Variants in FAT2 observed in about 807,000 individuals in gnomAD.
FAT2 encodes the protein FAT atypical cadherin 2.
FAT2 carries 150 observed loss-of-function variants against 295.3 expected under a neutral mutation model. The observed-to-expected ratio is 0.51, with a 90% confidence interval of 0.44 to 0.58. The LOEUF (loss-of-function observed/expected upper bound fraction) is 0.58, where lower values mean the gene tolerates loss of function less well. Among genes scored for constraint, FAT2 ranks in the 20% least tolerant of loss-of-function variants. The pLI, the probability that FAT2 is intolerant of heterozygous loss-of-function variation, is 0.00. For synonymous variants in FAT2, 2,026 were observed against 2,150.3 expected (o/e 0.94, Z 1.60); for missense variants, 4,868 against 5,442.7 (o/e 0.89, Z 3.32).
At chr5:151,558,344 G>A (rs906829000) in intron 3 of FAT2, among the ~76,000 whole-genome samples, 7 of 152,134 alleles carry the variant, frequency 4.6e-5, no homozygotes, top group East Asian at 3.8e-4. Context: ...GCCTGGGCAC[G>A]GTGGCTCACA....
Position 151,521,938 on chromosome 5 carries a change from T to C in FAT2, c.10655A>G (p.Lys3552Arg), listed in dbSNP as rs1460886794. Residue 3552 changes from lysine (K) to arginine (R), a missense_variant, in exon 19 of 24, where the codon AAG becomes AGG. Lys to Arg is a conservative substitution (Grantham distance 26). Around this residue, in one of 5 missense-constraint regions of FAT2, gnomAD observed 1,046 missense variants for 1,210.1 expected, o/e 0.86. Coordinates refer to ENST00000261800, the MANE Select transcript of FAT2 (RefSeq NM_001447.3). ...EDEFQGGMVG[K>R]IHATDRDPQD... The stretch of plus-strand genomic sequence containing the variant: ...GGGGTCTCGGTCTGTGGCATGGATC[T>C]TACCCACCATGCCACCCTGGAACTC... 6.2e-7 allele frequency: 1 copy of C among 1,614,158 alleles called. No homozygotes were observed. Among genetic ancestry groups the C allele is most frequent in the East Asian group, 2.2e-5 (1 of 44,884 alleles).
chr5:151,534,545 T>G lies in FAT2; in HGVS notation c.9291A>C (p.Ala3097=). 1 of 1,614,150 alleles carries G rather than the reference T, an allele frequency of 6.2e-7. No individual in the cohort carries two copies. Among genetic ancestry groups the G allele is most frequent in the Non-Finnish European group, 8.5e-7 (1 of 1,180,026 alleles). Residue 3097 remains alanine (A), a synonymous_variant, in exon 13 of 24, where the codon GCA becomes GCC. Transcript: ENST00000261800. ...CATCCTCCACATGGAGGGTGATGTCTGCCTGGCACGATCGGCCACCTCCAT... is the reference window on the plus strand; with the variant it reads ...CATCCTCCACATGGAGGGTGATGTCGGCCTGGCACGATCGGCCACCTCCAT... ...ATDGGGRSCQ[A]DITLHVEDVN...
chr5:151,515,020 C>A (rs1294182178), intron 20 of FAT2, among the ~76,000 whole-genome samples: 2 of 152,136 alleles, frequency 1.3e-5, no homozygotes, highest in Non-Finnish European at 2.9e-5. Flanking sequence ...AGTTTTCCAG[C>A]CAGATATTTT....
In FAT2 at chr5:151,542,650, G is replaced by A. The variant is rs767948043; in HGVS notation, c.8477C>T (p.Thr2826Ile). ...GTAGCTCACCTGGCCATCTCTCCCA[G>A]TGTCCTTGTCAATGGCAGTCACTTG... ...VIQVTAIDKD[T>I]GRDGQVSYRL... The change falls in exon 10 of 24, where the codon ACT becomes ATT. Residue 2826 changes from threonine (T) to isoleucine (I), a missense_variant. This residue lies in a region of FAT2 where 3,297 missense variants were observed against 3,669.4 expected (regional missense o/e 0.90). Coordinates refer to ENST00000261800, the MANE Select transcript of FAT2 (RefSeq NM_001447.3). The A allele has an allele frequency of 8.1e-6, 13 of 1,614,180 alleles. No homozygotes were observed. The highest frequency in any genetic ancestry group is 1.6e-4 in the Middle Eastern group (1 of 6,062).
chr5:151,510,076 T>C lies in FAT2; in HGVS notation c.12004A>G (p.Ile4002Val). The change falls in exon 22 of 24, where the codon ATC becomes GTC. Residue 4002 changes from isoleucine (I) to valine (V), a missense_variant. Ile to Val is a conservative substitution (Grantham distance 29). Transcript: ENST00000261800. The stretch of plus-strand genomic sequence containing the variant: ...CAGGAAGCTCCTTTGGGGGAGAGGA[T>C]GCAAGTTCCACCTTCCAGGCAGGGT... Reference protein sequence around the residue: ...FAPCLEGGTCILSPKGASCNC... With the variant: ...FAPCLEGGTCVLSPKGASCNC... 6.2e-7 allele frequency: 1 copy of C among 1,614,184 alleles called. No individual in the cohort carries two copies. The highest frequency in any genetic ancestry group is 8.5e-7 in the Non-Finnish European group (1 of 1,180,032).
At chr5:151,554,743 G>A (rs1561865094) in intron 4 of FAT2, 70 bp from the exon 5 acceptor site, 3 of 1,152,018 alleles carry the variant, frequency 2.6e-6, no homozygotes, top group Admixed American at 2.0e-5. Flanking sequence ...TTAACAACCT[G>A]GAAATAGTAG....
rs140753257 is a variant in FAT2 at position 151,547,488 on chromosome 5, T to C, written c.4790-1151A>G. Among the ~76,000 whole-genome samples the C allele has an allele frequency of 7.4e-3, 1,133 of 152,348 alleles. 6 individuals carry two copies. The highest frequency in any genetic ancestry group is 0.012 in the Non-Finnish European group (838 of 68,036). ...TTGAGAAAATACTGCACTTTACATGTCTTATTCCCTCTATCACGTGAGAGC... is the reference window on the plus strand; with the variant it reads ...TTGAGAAAATACTGCACTTTACATGCCTTATTCCCTCTATCACGTGAGAGC... On this transcript the variant is annotated intron_variant, in intron 9 of 23. Transcript: ENST00000261800.
intron 12 of FAT2, among the ~76,000 whole-genome samples, chr5:151,534,852 C>T (rs1230292878): frequency 1.3e-5 from 2 of 151,632 alleles, no homozygotes; most frequent in African/African-American, 4.8e-5. Context: ...ATCACATTGC[C>T]AGTTTAAGAT....
intron 9 of FAT2, among the ~76,000 whole-genome samples, chr5:151,547,865 G>A (rs192828491): frequency 6.6e-6 from 1 of 152,026 alleles, no homozygotes; most frequent in Non-Finnish European, 1.5e-5. Flanking sequence ...CATTCTTTTG[G>A]GGTGATGAAA....
chr5:151,532,443 G>A (rs1185686590), intron 13 of FAT2, among the ~76,000 whole-genome samples: 2 of 151,890 alleles, frequency 1.3e-5, no homozygotes, highest in African/African-American at 4.8e-5. Context: ...ACAGAAACTG[G>A]TGAAATCTGA....
chr5:151,512,631 T>G lies in FAT2; in HGVS notation c.11464-25A>C, dbSNP rs771727323. ...GCTGCAAAGGAAATCCAAACAGCCA[T>G]CAGCAAAGCCAAGGAGTCCTTGTAA... On this transcript the variant is annotated intron_variant, in intron 20 of 23. Coordinates refer to ENST00000261800, the MANE Select transcript of FAT2 (RefSeq NM_001447.3). The surrounding 1 kb of genome is among the most constrained non-coding windows in gnomAD (Gnocchi z 4.1). The G allele has an allele frequency of 1.3e-6, 2 of 1,563,674 alleles. No individual in the cohort carries two copies. Among genetic ancestry groups the G allele is most frequent in the Non-Finnish European group, 1.7e-6 (2 of 1,152,068 alleles).
Position 151,568,243 on chromosome 5 carries a change from A to G in FAT2, c.689T>C (p.Ile230Thr). The change falls in exon 2 of 24, where the codon ATC (isoleucine) becomes ACC (threonine). Residue 230 changes from isoleucine (I) to threonine (T), a missense_variant. Coordinates refer to ENST00000261800, the MANE Select transcript of FAT2 (RefSeq NM_001447.3). ...GCTGCCAAACCCATTGCCCTCAGAG[A>G]TTTTCCGCATGCGGTCCACAGCTAG... ...QVLAVDRMRK[I>T]SEGNGFGSLA... The G allele has an allele frequency of 6.2e-7, 1 of 1,613,924 alleles. No homozygotes were observed. Among genetic ancestry groups the G allele is most frequent in the African/African-American group, 1.3e-5 (1 of 74,972 alleles).
intron 20 of FAT2, among the ~76,000 whole-genome samples, chr5:151,514,516 G>A (rs1277201482): frequency 2.6e-5 from 4 of 152,226 alleles, no homozygotes; most frequent in Non-Finnish European, 5.9e-5. Flanking sequence ...ACATGGAGCA[G>A]AACATGGCTG....
chr5:151,570,982 G>A (rs1049643001), intron 1 of FAT2, among the ~76,000 whole-genome samples: 10 of 152,178 alleles, frequency 6.6e-5, no homozygotes, highest in African/African-American at 2.2e-4. Flanking sequence ...CCCACCCTTC[G>A]AGCTTCCCTA....
At position 151,518,363 on chromosome 5, in the gene FAT2, A is replaced by AT. The variant is rs1289538208; in HGVS notation, c.11318-599dup. Among the ~76,000 whole-genome samples the AT allele has an allele frequency of 4.6e-3, 620 of 133,932 alleles. 3 individuals carry two copies. The highest frequency in any genetic ancestry group is 0.015 in the East Asian group (56 of 3,820). The allele number at this position is 133,932 out of a possible 152,430, so 87.9% of individuals were successfully genotyped here. A position where few individuals can be genotyped will look rare whatever the true frequency, so the allele number is the denominator to read the frequency against. ...GACCATGTCTCTAATAATAATAATA[A>AT]TAATAATAATAATTTTTAAAAGAAA... On this transcript the variant is annotated intron_variant, in intron 19 of 23. Coordinates refer to ENST00000261800, the MANE Select transcript of FAT2 (RefSeq NM_001447.3).
chr5:151,568,882 G>T lies in FAT2; in HGVS notation c.50C>A (p.Thr17Asn), dbSNP rs751761404. ...AATCCCTTCTAGAGGCTTCTCACAG[G>T]TCGCACAATGGAGCAAGAATATGGC... is the stretch of plus-strand genomic sequence containing the variant. ...GFAIFLLHCA[T>N]CEKPLEGILS... The change falls in exon 2 of 24, where the codon ACC becomes AAC. Residue 17 changes from threonine to asparagine, a missense_variant. By Grantham distance (65) the Thr-to-Asn change is moderately conservative. This residue lies in a region of FAT2 where 3,297 missense variants were observed against 3,669.4 expected (regional missense o/e 0.90). Transcript: ENST00000261800. 2 of 1,613,868 alleles carry T rather than the reference G, an allele frequency of 1.2e-6. No homozygotes were observed. The highest frequency in any genetic ancestry group is 1.3e-5 in the African/African-American group (1 of 75,022).
chr5:151,590,058 C>T (rs1190786984), intron 1 of FAT2, among the ~76,000 whole-genome samples: 1 of 152,198 alleles, frequency 6.6e-6, no homozygotes, highest in Non-Finnish European at 1.5e-5. Flanking sequence ...CCCACTCTGC[C>T]ACACTGCCTG....
rs565650488 is a variant in FAT2 at position 151,531,477 on chromosome 5, G to T, written c.9811+110C>A. The T allele has an allele frequency of 7.2e-7, 1 of 1,392,508 alleles. No homozygotes were observed. The highest frequency in any genetic ancestry group is 1.4e-5 in the South Asian group (1 of 71,768). The allele number at this position is 1,392,508 out of a possible 1,614,324, so 86.3% of individuals were successfully genotyped here. On this transcript the variant is annotated intron_variant, in intron 14 of 23. Coordinates refer to ENST00000261800, the MANE Select transcript of FAT2 (RefSeq NM_001447.3). The surrounding 1 kb of genome is among the most constrained non-coding windows in gnomAD (Gnocchi z 5.7). ...GAGAATGGAGAAACGACCAGAGGAGGTCTGCTCTGGGAGGCGCTGCACAGG... is the reference window on the plus strand; with the variant it reads ...GAGAATGGAGAAACGACCAGAGGAGTTCTGCTCTGGGAGGCGCTGCACAGG...
chr5:151,564,001 T>C (rs1758138794), intron 2 of FAT2, among the ~76,000 whole-genome samples: 1 of 152,268 alleles, frequency 6.6e-6, no homozygotes, highest in African/African-American at 2.4e-5. Flanking sequence ...GGTTTTCTTA[T>C]AGTTGTCCTT....
Sources: gnomAD v4.1 joint callset for allele counts (sites outside exome capture counted in the v4.1 genomes callset) on GRCh38, gnomAD v4.1.1 for gene constraint, gnomAD v4.1.1 regional missense constraint, Gnocchi (gnomAD v3.1) non-coding constraint, MANE v1.5 for transcripts, NCBI Gene and HGNC (gene_info 2026-07-23, HGNC 2026-07-21) for gene names.